Variants in ZNF510 observed in about 807,000 individuals in gnomAD.
The protein encoded by ZNF510 is zinc finger protein 510.
In ZNF510, 15 loss-of-function variants were observed where a neutral mutation model predicts 18.1. That is an observed-to-expected ratio of 0.83 (90% CI 0.55 to 1.28). The LOEUF is 1.28. Among genes scored for constraint, ZNF510 ranks in the 50% most tolerant of loss-of-function variants. The pLI, the probability that ZNF510 is intolerant of heterozygous loss-of-function variation, is 0.00. For synonymous variants in ZNF510, 261 were observed against 266.4 expected (o/e 0.98, Z 0.20); for missense variants, 724 against 791.8 (o/e 0.91, Z 1.03).
At chr9:96,774,175 CCT>C (rs1468507360) in intron 3 of ZNF510, among the ~76,000 whole-genome samples, 2 of 152,194 alleles carry the variant, frequency 1.3e-5, no homozygotes, top group Non-Finnish European at 2.9e-5. Context: ...ACAATGAAAA[CCT>C]TACCCATTTT....
chr9:96,757,113 T>TAAGA lies in ZNF510; in HGVS notation c.*1661_*1664dup, dbSNP rs915440704. On this transcript the variant is annotated 3_prime_UTR_variant, in exon 6 of 6. Transcript: ENST00000223428. ...TGTCCTGTACCCCCACAGGAACTAGTAAGATGTTGCCTTGGGCATGGATTC... is the reference window on the plus strand; with the variant it reads ...TGTCCTGTACCCCCACAGGAACTAGTAAGAAAGATGTTGCCTTGGGCATGGATTC... 6.6e-6 allele frequency: 1 copy of TAAGA among 152,154 alleles called. No individual in the cohort carries two copies. Among genetic ancestry groups the TAAGA allele is most frequent in the African/African-American group, 2.4e-5 (1 of 41,440 alleles). The allele number at this position is 152,154 out of a possible 1,614,324, so 9.4% of individuals were successfully genotyped here.
Position 96,759,071 on chromosome 9 carries a change from G to C in ZNF510, c.1759C>G (p.Leu587Val). 6.2e-7 allele frequency: 1 copy of C among 1,614,076 alleles called. No homozygotes were observed. The highest frequency in any genetic ancestry group is 8.5e-7 in the Non-Finnish European group (1 of 1,179,988). The change falls in exon 6 of 6, where the codon CTC becomes GTC. Residue 587 changes from leucine to valine, a missense_variant. Transcript: ENST00000223428. ...CGKTFARTST[L>V]RVHQRIHTGE... ...GTGTGAATTCTTTGATGCACTCTGA[G>C]GGTTGATGTCCGGGCAAAAGTTTTC...
At chr9:96,760,897 AG>A (rs1849332083) in intron 5 of ZNF510, among the ~76,000 whole-genome samples, 1 of 152,156 alleles carries the variant, frequency 6.6e-6, no homozygotes, top group Non-Finnish European at 1.5e-5. Flanking sequence ...CTCAACAGGG[AG>A]GGGGTTTAGA....
chr9:96,772,467 A>G (rs1356648503), intron 3 of ZNF510, among the ~76,000 whole-genome samples: 1 of 152,196 alleles, frequency 6.6e-6, no homozygotes, highest in East Asian at 1.9e-4. Context: ...ATGGAATCCA[A>G]GAACATCAGT....
chr9:96,773,974 A>C (rs1402163935), intron 3 of ZNF510, among the ~76,000 whole-genome samples: 1 of 152,222 alleles, frequency 6.6e-6, no homozygotes, highest in East Asian at 1.9e-4. Flanking sequence ...ATTGCTGTTT[A>C]ATCTACCCAG....
Position 96,758,531 on chromosome 9 carries a change from A to G in ZNF510, c.*247T>C. 1 of 449,844 alleles carries G rather than the reference A, an allele frequency of 2.2e-6. No homozygotes were observed. The highest frequency in any genetic ancestry group is 4.5e-5 in the South Asian group (1 of 22,038). 27.9% of individuals were successfully genotyped at this position (449,844 alleles called of 1,614,324 possible). A position where few individuals can be genotyped will look rare whatever the true frequency, so the allele number is the denominator to read the frequency against. Reference sequence around the variant, plus strand: ...ATAGGGTATGACTTCATTCAGGCCTATCCATAGTACTCTGAAAACAGAAGC... The same window carrying G: ...ATAGGGTATGACTTCATTCAGGCCTGTCCATAGTACTCTGAAAACAGAAGC... On this transcript the variant is annotated 3_prime_UTR_variant, in exon 6 of 6. Transcript: ENST00000223428.
intron 3 of ZNF510, among the ~76,000 whole-genome samples, chr9:96,769,899 T>TA (rs1849551493): frequency 6.6e-6 from 1 of 152,022 alleles, no homozygotes; most frequent in Non-Finnish European, 1.5e-5. Context: ...TCCATAATTT[T>TA]AAAAAAAGGG....
rs1849245595 is a variant in ZNF510, at chr9:96,758,411, A to T, written c.*367T>A. 5.7e-6 allele frequency: 1 copy of T among 176,960 alleles called. No homozygotes were observed. Among genetic ancestry groups the T allele is most frequent in the Non-Finnish European group, 1.2e-5 (1 of 84,082 alleles). 11.0% of individuals were successfully genotyped at this position (176,960 alleles called of 1,614,324 possible). Reference sequence around the variant, plus strand: ...GTCACAAAGACCAACCTGGATGAAAAGGAGATTGGGAAATCTGGACTATGT... The same window carrying T: ...GTCACAAAGACCAACCTGGATGAAATGGAGATTGGGAAATCTGGACTATGT... On this transcript the variant is annotated 3_prime_UTR_variant, in exon 6 of 6. Transcript: ENST00000223428.
Position 96,759,177 on chromosome 9 carries a change from T to G in ZNF510, c.1653A>C (p.Lys551Asn). The stretch of plus-strand genomic sequence containing the variant: ...TGAGATGATCTTTTCGCCAGAAGGA[T>G]TTTTCACATTCATTACACTGGTAAG... ...EKTYQCNECE[K>N]SFWRKDHLIQ... Residue 551 changes from lysine to asparagine, a missense_variant, in exon 6 of 6, where the codon AAA (lysine) becomes AAC (asparagine). Lys to Asn is a moderately conservative substitution (Grantham distance 94). Transcript: ENST00000223428. 6.2e-7 allele frequency: 1 copy of G among 1,613,908 alleles called. No homozygotes were observed. Among genetic ancestry groups the G allele is most frequent in the East Asian group, 2.2e-5 (1 of 44,866 alleles).
chr9:96,763,220 A>G lies in ZNF510; in HGVS notation c.257-7T>C. 1 of 1,613,266 alleles carries G rather than the reference A, an allele frequency of 6.2e-7. No individual in the cohort carries two copies. The highest frequency in any genetic ancestry group is 8.5e-7 in the Non-Finnish European group (1 of 1,179,268). On this transcript the variant is annotated splice_region_variant and splice_polypyrimidine_tract_variant and intron_variant, in intron 4 of 5. Coordinates refer to ENST00000223428, the MANE Select transcript of ZNF510 (RefSeq NM_014930.3). ...GGTTTGAAACAGCAGTACCCTGTTAATAAAACACAATCGAGGACTTAGACC... is the reference window on the plus strand; with the variant it reads ...GGTTTGAAACAGCAGTACCCTGTTAGTAAAACACAATCGAGGACTTAGACC...
chr9:96,762,204 TAAAAAAA>T (rs551652153), intron 5 of ZNF510, among the ~76,000 whole-genome samples: 5 of 99,460 alleles, frequency 5.0e-5, no homozygotes, highest in South Asian at 3.1e-4. Flanking sequence ...CTGTGGAAAT[TAAAAAAA>T]AAAAAAAAAA....
At chr9:96,763,801 A>G in intron 3 of ZNF510, 169 bp from the exon 4 acceptor site, 1 of 675,492 alleles carries the variant, frequency 1.5e-6, no homozygotes, top group Non-Finnish European at 2.2e-6. Context: ...TTAAATTGGT[A>G]AAAGTTTTTA....
rs1849176537 is a variant in ZNF510 at position 96,755,604 on chromosome 9, T to C, written c.*3174A>G. Among the ~76,000 whole-genome samples, 1 of 152,184 alleles carries C rather than the reference T, an allele frequency of 6.6e-6. No individual in the cohort carries two copies. Among genetic ancestry groups the C allele is most frequent in the Non-Finnish European group, 1.5e-5 (1 of 68,048 alleles). On this transcript the variant is annotated 3_prime_UTR_variant, in exon 6 of 6. Transcript: ENST00000223428. Reference sequence around the variant, plus strand: ...TTTCCAAACTTGATTCAATTATCCTTCTGTGAAAAATTCAGTAGCAGGCCA... The same window carrying C: ...TTTCCAAACTTGATTCAATTATCCTCCTGTGAAAAATTCAGTAGCAGGCCA...
intron 5 of ZNF510, 99 bp downstream of exon 5, chr9:96,763,015 GCTTT>G (rs1178024883): frequency 3.3e-6 from 3 of 904,726 alleles, no homozygotes; most frequent in Non-Finnish European, 3.7e-6. Flanking sequence ...GTGCCTTTAG[GCTTT>G]CTAAGAAAAG....
rs768780079 is a variant in ZNF510, at chr9:96,759,703, G to T, written c.1127C>A (p.Ser376Tyr). 7 of 1,613,838 alleles carry T rather than the reference G, an allele frequency of 4.3e-6. No individual in the cohort carries two copies. The highest frequency in any genetic ancestry group is 5.9e-6 in the Non-Finnish European group (7 of 1,179,988). The change falls in exon 6 of 6, where the codon TCC becomes TAC. Residue 376 changes from serine to tyrosine, a missense_variant. Coordinates refer to ENST00000223428, the MANE Select transcript of ZNF510 (RefSeq NM_014930.3). ...SNDRTQTWVK[S>Y]SEYHENKKSY... ...TTTCTTATTTTCATGATATTCAGAG[G>T]ATTTAACCCAAGTCTGTGTTCTGTC...
Position 96,774,784 on chromosome 9 carries a change from T to G in ZNF510, c.129+4A>C. The G allele has an allele frequency of 6.2e-7, 1 of 1,612,524 alleles. No homozygotes were observed. The highest frequency in any genetic ancestry group is 1.3e-5 in the African/African-American group (1 of 75,016). ...GATGAAAAAGGTATTAGTAATTAAC[T>G]CACCTGAGATATGTTCATTTTCTGC... On this transcript the variant is annotated splice_donor_region_variant and intron_variant, in intron 3 of 5. Coordinates refer to ENST00000223428, the MANE Select transcript of ZNF510 (RefSeq NM_014930.3).
chr9:96,763,306 T>C, intron 4 of ZNF510, 93 bp from the exon 5 acceptor site: 2 of 1,404,120 alleles, frequency 1.4e-6, no homozygotes, highest in Non-Finnish European at 1.0e-6. Flanking sequence ...AGCAGTATCC[T>C]GAAAGTGCTC....
chr9:96,763,348 A>G (rs1364235249), intron 4 of ZNF510, 135 bp from the exon 5 acceptor site: 6 of 1,276,936 alleles, frequency 4.7e-6, no homozygotes, highest in Non-Finnish European at 5.5e-6. Context: ...TTGACAACAC[A>G]TTCTTTCTAG....
In ZNF510 at chr9:96,759,456, T is replaced by G. The variant is rs767830935; in HGVS notation, c.1374A>C (p.Lys458Asn). 6.2e-6 allele frequency: 10 copies of G among 1,613,926 alleles called. 1 individual carries two copies. In the South Asian group the frequency reaches 9.9e-5, roughly 16 times the overall value. ...TTCCACATTCATTACATTTATAGGG[T>G]TTTTCTGCTGTATGAATTCTCTGAT... ...STHQRIHTAEKPYKCNECGKT... is the reference protein window; with the variant it reads ...STHQRIHTAENPYKCNECGKT... The change falls in exon 6 of 6, where the codon AAA (lysine) becomes AAC (asparagine). Residue 458 changes from lysine (K) to asparagine (N), a missense_variant. Physicochemically the swap from Lys to Asn is moderately conservative, Grantham distance 94. Coordinates refer to ENST00000223428, the MANE Select transcript of ZNF510 (RefSeq NM_014930.3).
Sources: allele counts gnomAD v4.1 joint callset (sites outside exome capture counted in the v4.1 genomes callset), GRCh38; gene constraint gnomAD v4.1.1; transcripts MANE v1.5; gene names NCBI Gene and HGNC (gene_info 2026-07-23, HGNC 2026-07-21).